GRID2: variants seen among roughly 807,000 people sequenced by gnomAD.
GRID2 encodes glutamate receptor ionotropic, delta-2.
GRID2 carries 33 observed loss-of-function variants against 114.8 expected under a neutral mutation model. The ratio of observed to expected loss-of-function variants is 0.29; its 90% confidence interval spans 0.22 to 0.38. The LOEUF (loss-of-function observed/expected upper bound fraction) is 0.38, where lower values mean the gene tolerates loss of function less well. GRID2 is among the 10% of genes least tolerant of loss of function. The pLI is 1.00. For missense variants in GRID2, 1,184 were observed against 1,257.7 expected, an observed-to-expected ratio of 0.94 and a Z score of 0.89; for synonymous variants, 505 against 449.9, an observed-to-expected ratio of 1.12 and a Z score of -1.55.
chr4:93,667,253 T>G (rs1178032184), intron 14 of GRID2, among the ~76,000 whole-genome samples: 3 of 152,008 alleles, frequency 2.0e-5, no homozygotes, highest in Non-Finnish European at 2.9e-5. Flanking sequence ...GAAGGCTTTT[T>G]GAAAGAAATG....
rs116080897 is a variant in GRID2, at chr4:93,565,399, C to T, written c.2193+49988C>T. Reference sequence around the variant, plus strand: ...CAAAGTGTACAAGGTGCCTTTCTTACCACTGCAAATGAATCTACAATTATC... The same window carrying T: ...CAAAGTGTACAAGGTGCCTTTCTTATCACTGCAAATGAATCTACAATTATC... On this transcript the variant is annotated intron_variant, in intron 13 of 15. Coordinates refer to ENST00000282020, the MANE Select transcript of GRID2 (RefSeq NM_001510.4). Among the ~76,000 whole-genome samples the T allele has an allele frequency of 6.8e-3, 1,032 of 152,100 alleles. 12 individuals are homozygous for T. Among genetic ancestry groups the T allele is most frequent in the African/African-American group, 0.023 (955 of 41,506 alleles).
At chr4:93,337,747 G>A (rs1183904906) in intron 8 of GRID2, among the ~76,000 whole-genome samples, 4 of 151,930 alleles carry the variant, frequency 2.6e-5, no homozygotes, top group Non-Finnish European at 5.9e-5. Flanking sequence ...ACTTGTGGCC[G>A]GACAAATAAA....
At chr4:93,237,099 T>C (rs1253204054) in intron 7 of GRID2, among the ~76,000 whole-genome samples, 1 of 151,902 alleles carries the variant, frequency 6.6e-6, no homozygotes, top group African/African-American at 2.4e-5. Context: ...GGTTTACACA[T>C]CTAGTAGATC....
intron 13 of GRID2, among the ~76,000 whole-genome samples, chr4:93,542,960 C>T (rs147583708): frequency 7.3e-4 from 111 of 152,230 alleles, no homozygotes; most frequent in African/African-American, 2.3e-3. Context: ...AAAGCCATCA[C>T]TGAGGTTACA....
At chr4:93,529,313 T>C (rs1434438036) in intron 13 of GRID2, among the ~76,000 whole-genome samples, 2 of 152,214 alleles carry the variant, frequency 1.3e-5, no homozygotes, top group Non-Finnish European at 2.9e-5. Context: ...AGAATCACTC[T>C]TCTGGGTACT....
chr4:92,763,283 C>T (rs950988231), intron 2 of GRID2, among the ~76,000 whole-genome samples: 1 of 152,122 alleles, frequency 6.6e-6, no homozygotes, highest in Non-Finnish European at 1.5e-5. Flanking sequence ...ATGCACAAAG[C>T]CCTTATCCTG....
intron 12 of GRID2, among the ~76,000 whole-genome samples, chr4:93,510,728 A>T (rs1010393887): frequency 2.6e-5 from 4 of 152,122 alleles, no homozygotes; most frequent in African/African-American, 9.7e-5. Context: ...TCCACAAAAA[A>T]ATACCAATAG....
chr4:93,504,630 A>G (rs2149478158), intron 12 of GRID2, among the ~76,000 whole-genome samples: 2 of 152,190 alleles, frequency 1.3e-5, no homozygotes, highest in South Asian at 4.1e-4. Context: ...TATACCTATG[A>G]TAATTTCAGT....
chr4:93,458,555 G>T (rs1470690481), intron 11 of GRID2, among the ~76,000 whole-genome samples: 2 of 152,118 alleles, frequency 1.3e-5, no homozygotes, highest in Non-Finnish European at 2.9e-5. Context: ...TCCAGGTTGG[G>T]AGTCATAAAC....
At chr4:92,418,773 A>G (rs1157445851) in intron 1 of GRID2, among the ~76,000 whole-genome samples, 2 of 152,078 alleles carry the variant, frequency 1.3e-5, no homozygotes, top group Non-Finnish European at 2.9e-5. Context: ...TTTAGATACC[A>G]TAAATGACAT....
chr4:93,728,629 T>C (rs1368838561), intron 14 of GRID2, among the ~76,000 whole-genome samples: 1 of 152,188 alleles, frequency 6.6e-6, no homozygotes, highest in African/African-American at 2.4e-5. Flanking sequence ...CTAAGTCTCT[T>C]TGTAGGTCAC....
chr4:93,136,742 G>A (rs897422923), intron 4 of GRID2, among the ~76,000 whole-genome samples: 1 of 152,096 alleles, frequency 6.6e-6, no homozygotes, highest in African/African-American at 2.4e-5. Flanking sequence ...TTATTGTTTA[G>A]AATCAACTAT....
At chr4:92,598,294 T>G (rs1390380774) in intron 2 of GRID2, among the ~76,000 whole-genome samples, 1 of 152,164 alleles carries the variant, frequency 6.6e-6, no homozygotes, top group South Asian at 2.1e-4. Context: ...TGTCATGCTC[T>G]CCATTGGCTG....
intron 1 of GRID2, among the ~76,000 whole-genome samples, chr4:92,368,259 T>C (rs981430491): frequency 1.3e-5 from 2 of 152,032 alleles, no homozygotes; most frequent in Non-Finnish European, 2.9e-5. Flanking sequence ...TATTCCTAAA[T>C]GCTATTCTCT....
chr4:92,745,979 C>T (rs1411906823), intron 2 of GRID2, among the ~76,000 whole-genome samples: 1 of 152,120 alleles, frequency 6.6e-6, no homozygotes, highest in African/African-American at 2.4e-5. Context: ...CTGAACAAAG[C>T]TTCCCAAAGC....
chr4:93,675,302 C>A lies in GRID2; in HGVS notation c.2360+48867C>A, dbSNP rs931254810. Reference sequence around the variant, plus strand: ...CTAAAATTATATCCACATTATCTAACAGTTTTTTTTAATAGATAGACTATC... The same window carrying A: ...CTAAAATTATATCCACATTATCTAAAAGTTTTTTTTAATAGATAGACTATC... On this transcript the variant is annotated intron_variant, in intron 14 of 15. Coordinates refer to ENST00000282020, the MANE Select transcript of GRID2 (RefSeq NM_001510.4). Among the ~76,000 whole-genome samples the A allele has an allele frequency of 4.6e-5, 7 of 151,742 alleles. No individual in the cohort carries two copies. The East Asian group carries it at 1.2e-3, about 25-fold the overall frequency.
At chr4:93,357,115 G>C (rs1298604923) in intron 8 of GRID2, among the ~76,000 whole-genome samples, 1 of 151,430 alleles carries the variant, frequency 6.6e-6, no homozygotes, top group Non-Finnish European at 1.5e-5. Flanking sequence ...TTCATATTAA[G>C]TAATCATTTT....
At chr4:93,320,324 G>A (rs187969391) in intron 8 of GRID2, among the ~76,000 whole-genome samples, 3 of 152,008 alleles carry the variant, frequency 2.0e-5, no homozygotes, top group African/African-American at 7.2e-5. Flanking sequence ...TAAAAGATAA[G>A]GTCAAAGAGC....
intron 2 of GRID2, among the ~76,000 whole-genome samples, chr4:93,048,836 G>A (rs1726420282): frequency 1.3e-5 from 2 of 152,010 alleles, no homozygotes; most frequent in Non-Finnish European, 2.9e-5. Flanking sequence ...CTTTTCCGGA[G>A]CATGATTTTA....
Sources: allele counts gnomAD v4.1 joint callset (sites outside exome capture counted in the v4.1 genomes callset), GRCh38; gene constraint gnomAD v4.1.1; transcripts MANE v1.5; gene names NCBI Gene and HGNC (gene_info 2026-07-23, HGNC 2026-07-21).